Variants in DYNC2LI1 observed in about 807,000 individuals in gnomAD.
The protein encoded by DYNC2LI1 is dynein cytoplasmic 2 light intermediate chain 1.
DYNC2LI1 carries 45 observed loss-of-function variants against 51.9 expected under a neutral mutation model. That is an observed-to-expected ratio of 0.87 (90% CI 0.68 to 1.11). The LOEUF (loss-of-function observed/expected upper bound fraction) is 1.11, where lower values mean the gene tolerates loss of function less well. DYNC2LI1 is among the 50% of genes most tolerant of loss of function. The pLI, the probability that DYNC2LI1 is intolerant of heterozygous loss-of-function variation, is 0.00. For missense variants in DYNC2LI1, 490 were observed against 417.4 expected (o/e 1.17, Z -1.51); for synonymous variants, 130 against 137.8 (o/e 0.94, Z 0.40).
At chr2:43,796,691 A>G in intron 7 of DYNC2LI1, 27 bp from the exon 8 acceptor site, 2 of 1,541,596 alleles carry the variant, frequency 1.3e-6, no homozygotes, top group Non-Finnish European at 1.8e-6. Flanking sequence ...GGTTATCTTG[A>G]CTTTTTAAAA....
the DYNC2LI1 span, among the ~76,000 whole-genome samples, chr2:43,825,774 CA>C: frequency 2.6e-5 from 4 of 152,044 alleles, no homozygotes; most frequent in Non-Finnish European, 5.9e-5. Context: ...GCCCAACTAT[CA>C]ATTTTGAATC....
the DYNC2LI1 span, chr2:43,823,761 C>A: frequency 1.2e-6 from 1 of 803,860 alleles, no homozygotes; most frequent in South Asian, 1.9e-5. Context: ...GTTGGTAACT[C>A]AATAGTTGCC....
intron 2 of DYNC2LI1, among the ~76,000 whole-genome samples, chr2:43,778,183 G>A (rs1673110943): frequency 6.6e-6 from 1 of 151,872 alleles, no homozygotes; most frequent in African/African-American, 2.4e-5. Context: ...CTTTTTTTGA[G>A]ACAGGGTCTC....
chr2:43,820,215 G>A, the DYNC2LI1 span: 1 of 1,253,242 alleles, frequency 8.0e-7, no homozygotes, highest in African/African-American at 1.5e-5. Context: ...AAGTTTGCAG[G>A]GCAAGCCACA....
the DYNC2LI1 span, among the ~76,000 whole-genome samples, chr2:43,815,798 G>C: frequency 6.6e-6 from 1 of 151,842 alleles, no homozygotes; most frequent in African/African-American, 2.4e-5. Flanking sequence ...TGTGAGTTGA[G>C]GTTGAATGAC....
chr2:43,826,482 C>T, the DYNC2LI1 span: 4 of 1,614,068 alleles, frequency 2.5e-6, no homozygotes, highest in Non-Finnish European at 3.4e-6. Context: ...AGCAGTCATG[C>T]AGTCCAGGCC....
intron 7 of DYNC2LI1, 60 bp from the exon 8 acceptor site, chr2:43,796,658 G>A: frequency 8.1e-7 from 1 of 1,229,646 alleles, no homozygotes. Context: ...TTAATAATTT[G>A]AATCTTCCTG....
At chr2:43,817,791 T>A in the DYNC2LI1 span, among the ~76,000 whole-genome samples, 7,304 of 151,668 alleles carry the variant, frequency 0.048, 361 homozygotes, top group African/African-American at 0.12. Context: ...GCACCTGTAA[T>A]CCCAGCTACT....
intron 12 of DYNC2LI1, among the ~76,000 whole-genome samples, chr2:43,808,180 T>G: frequency 6.6e-6 from 1 of 151,744 alleles, no homozygotes; most frequent in East Asian, 1.9e-4. Context: ...TTAGCTTTAT[T>G]AGAAAAAAAT....
downstream of DYNC2LI1, chr2:43,814,638 T>C: frequency 9.3e-7 from 1 of 1,074,628 alleles, no homozygotes. Context: ...CTGGCAATAG[T>C]CCTACCAAAT....
chr2:43,799,413 T>G (rs1666000638), intron 8 of DYNC2LI1, among the ~76,000 whole-genome samples: 1 of 152,142 alleles, frequency 6.6e-6, no homozygotes, highest in Admixed American at 6.5e-5. Flanking sequence ...TTATTATATA[T>G]GAGGACCAGG....
chr2:43,782,193 G>C (rs1673318874), intron 2 of DYNC2LI1, among the ~76,000 whole-genome samples: 1 of 152,134 alleles, frequency 6.6e-6, no homozygotes, highest in Non-Finnish European at 1.5e-5. Flanking sequence ...AATTTAGCCA[G>C]TAGGGGACAT....
chr2:43,776,773 C>T lies in DYNC2LI1; in HGVS notation c.9-9C>T. ...TCCCTCAATTTTGTTTTTTCTGCCT[C>T]TCATGTAGTGAAACTCTCTGGGAAA... On this transcript the variant is annotated splice_polypyrimidine_tract_variant and intron_variant, in intron 1 of 12. Coordinates refer to ENST00000260605, the MANE Select transcript of DYNC2LI1 (RefSeq NM_016008.4). 2 of 1,478,222 alleles carry T rather than the reference C, an allele frequency of 1.4e-6. No individual in the cohort carries two copies. Among genetic ancestry groups the T allele is most frequent in the Non-Finnish European group, 9.3e-7 (1 of 1,080,480 alleles). The allele number at this position is 1,478,222 out of a possible 1,614,324, so 91.6% of individuals were successfully genotyped here.
At chr2:43,791,423 G>T (rs79489805) in intron 5 of DYNC2LI1, among the ~76,000 whole-genome samples, 4,640 of 152,206 alleles carry the variant, frequency 0.03, 106 homozygotes, top group Middle Eastern at 0.068. Flanking sequence ...TCTAGGTTCT[G>T]CAGGAAGCCA....
chr2:43,805,277 C>A (rs1471010016), intron 12 of DYNC2LI1, 31 bp downstream of exon 12: 1 of 1,458,952 alleles, frequency 6.9e-7, no homozygotes, highest in Non-Finnish European at 9.5e-7. Context: ...TTAATTTCAT[C>A]TGAAATTTTA....
At chr2:43,822,888 A>C in the DYNC2LI1 span, 2 of 1,614,162 alleles carry the variant, frequency 1.2e-6, no homozygotes, top group South Asian at 2.2e-5. Context: ...CACTTCTGGT[A>C]GAGGCCGTCC....
intron 7 of DYNC2LI1, among the ~76,000 whole-genome samples, chr2:43,796,282 G>C (rs565137467): frequency 6.7e-6 from 1 of 149,192 alleles, no homozygotes; most frequent in South Asian, 2.1e-4. Context: ...ACAGTGAGCT[G>C]TAATCACACC....
At chr2:43,824,892 A>T in the DYNC2LI1 span, 3 of 1,614,038 alleles carry the variant, frequency 1.9e-6, no homozygotes, top group Non-Finnish European at 2.5e-6. Context: ...AACTTACTAT[A>T]GAAGTCAAAA....
Position 43,800,825 on chromosome 2 carries a change from C to A in DYNC2LI1, c.655-16C>A. On this transcript the variant is annotated splice_polypyrimidine_tract_variant and intron_variant, in intron 8 of 12. Coordinates refer to ENST00000260605, the MANE Select transcript of DYNC2LI1 (RefSeq NM_016008.4). Reference sequence around the variant, plus strand: ...GAAAATAGAGCATGTAATTTGTTCTCCTGATTTGTTTAAAGTTTACCAGTA... The same window carrying A: ...GAAAATAGAGCATGTAATTTGTTCTACTGATTTGTTTAAAGTTTACCAGTA... The A allele has an allele frequency of 1.4e-6, 2 of 1,463,310 alleles. No homozygotes were observed. Among genetic ancestry groups the A allele is most frequent in the Non-Finnish European group, 1.9e-6 (2 of 1,061,952 alleles). 90.6% of individuals were successfully genotyped at this position (1,463,310 alleles called of 1,614,324 possible). A position where few individuals can be genotyped will look rare whatever the true frequency, so the allele number is the denominator to read the frequency against.
Sources: allele counts gnomAD v4.1 joint callset (sites outside exome capture counted in the v4.1 genomes callset), GRCh38; gene constraint gnomAD v4.1.1; transcripts MANE v1.5; gene names NCBI Gene and HGNC (gene_info 2026-07-23, HGNC 2026-07-21).